Variants in ALPK2 observed in about 807,000 individuals in gnomAD.
ALPK2 encodes alpha-protein kinase 2.
ALPK2 carries 127 observed loss-of-function variants against 163.1 expected under a neutral mutation model. The ratio of observed to expected loss-of-function variants is 0.78; its 90% CI spans 0.67 to 0.90. ALPK2 has a LOEUF of 0.90. Ranked by LOEUF, ALPK2 falls within the 40% of genes least tolerant of loss-of-function variation. ALPK2 has a pLI of 0.00. For missense variants in ALPK2, 2,360 were observed against 2,589.6 expected, an observed-to-expected ratio of 0.91 and a Z score of 1.92; for synonymous variants, 953 against 959.1, an observed-to-expected ratio of 0.99 and a Z score of 0.12.
rs534206367 is a variant in ALPK2 at position 58,493,720 on chromosome 18, T to C, written c.6296+4329A>G. ...CAGGGTCTCGGGAATTTGGCTTCCA[T>C]GTCAGGGACGCTTGACACAAGCCAC... is the stretch of plus-strand genomic sequence containing the variant. On this transcript the variant is annotated intron_variant, in intron 12 of 12. Transcript: ENST00000361673. Among the ~76,000 whole-genome samples, 102 of 152,292 alleles carry C rather than the reference T, an allele frequency of 6.7e-4. 1 individual carries two copies. Among genetic ancestry groups the C allele is most frequent in the African/African-American group, 2.3e-3 (94 of 41,566 alleles).
At chr18:58,502,687 G>A (rs1490507461) in intron 11 of ALPK2, among the ~76,000 whole-genome samples, 1 of 152,244 alleles carries the variant, frequency 6.6e-6, no homozygotes, top group African/African-American at 2.4e-5. Flanking sequence ...TGCAGCAGAA[G>A]CTGCTGGTGC....
intron 12 of ALPK2, among the ~76,000 whole-genome samples, chr18:58,494,072 G>A (rs1810780026): frequency 1.3e-5 from 2 of 152,168 alleles, no homozygotes; most frequent in African/African-American, 2.4e-5. Context: ...TCCACTGCAC[G>A]CATGGCTTTA....
At chr18:58,521,635 T>TTTTTTTTTTTTTTC (rs2051553808) in intron 8 of ALPK2, among the ~76,000 whole-genome samples, 1 of 120,542 alleles carries the variant, frequency 8.3e-6, no homozygotes, top group Non-Finnish European at 1.8e-5. Context: ...CTCTTTTTTT[T>TTTTTTTTTTTTTTC]TTTTTTTTTT....
At chr18:58,570,843 A>T (rs921607943) in intron 4 of ALPK2, among the ~76,000 whole-genome samples, 7 of 152,114 alleles carry the variant, frequency 4.6e-5, no homozygotes, top group African/African-American at 1.7e-4. Context: ...TTCAACCTTT[A>T]GTTCAGCTGG....
intron 3 of ALPK2, among the ~76,000 whole-genome samples, chr18:58,585,774 C>A (rs1480510057): frequency 2.0e-5 from 3 of 151,474 alleles, no homozygotes. Flanking sequence ...ACCTCCACCT[C>A]CAGGGTTCAA....
intron 12 of ALPK2, among the ~76,000 whole-genome samples, chr18:58,490,901 C>G (rs143323563): frequency 6.6e-6 from 1 of 152,130 alleles, no homozygotes; most frequent in Non-Finnish European, 1.5e-5. Context: ...TTTTTGAGGT[C>G]GCATGAGTCC....
Position 58,481,924 on chromosome 18 carries a change from G to T in ALPK2, c.6412C>A (p.Gln2138Lys). Reference protein sequence around the residue: ...LGLKSLQNNNQKQKQPSIGKS... With the variant: ...LGLKSLQNNNKKQKQPSIGKS... ...CCAATGCTCGGCTGCTTCTGTTTCT[G>T]GTTGTTGTTTTGAAGGGATTTCAGT... Residue 2138 changes from glutamine (Q) to lysine (K), a missense_variant, in exon 13 of 13, where the codon CAG becomes AAG. Gln to Lys is a moderately conservative substitution (Grantham distance 53, BLOSUM62 1). Transcript: ENST00000361673. 6.2e-7 allele frequency: 1 copy of T among 1,614,096 alleles called. No individual in the cohort carries two copies. The highest frequency in any genetic ancestry group is 8.5e-7 in the Non-Finnish European group (1 of 1,180,024).
intron 1 of ALPK2, among the ~76,000 whole-genome samples, chr18:58,617,955 TA>T (rs1335823571): frequency 3.0e-4 from 45 of 152,342 alleles, no homozygotes; most frequent in African/African-American, 1.1e-3. Flanking sequence ...GACATCCTAG[TA>T]CATGCTTCCT....
intron 6 of ALPK2, among the ~76,000 whole-genome samples, chr18:58,527,456 A>G (rs999686623): frequency 6.6e-6 from 1 of 152,242 alleles, no homozygotes; most frequent in Non-Finnish European, 1.5e-5. Context: ...GCCACGCGTC[A>G]TCAGTAAGTA....
chr18:58,487,637 A>T (rs2051346466), intron 12 of ALPK2, among the ~76,000 whole-genome samples: 1 of 152,152 alleles, frequency 6.6e-6, no homozygotes, highest in African/African-American at 2.4e-5. Context: ...CTTAACCTCT[A>T]ATTAGTATAA....
chr18:58,545,078 C>T (rs1297709487), intron 4 of ALPK2: 2 of 152,198 alleles, frequency 1.3e-5, no homozygotes, highest in African/African-American at 2.4e-5. Context: ...CTCTCATCTT[C>T]CAGTCCTGGG....
At chr18:58,492,039 C>T (rs1602183577) in intron 12 of ALPK2, among the ~76,000 whole-genome samples, 1 of 152,216 alleles carries the variant, frequency 6.6e-6, no homozygotes, top group Non-Finnish European at 1.5e-5. Flanking sequence ...AACTCTGAAT[C>T]CTCACGAGGG....
chr18:58,503,457 C>T (rs1026891533), intron 11 of ALPK2, among the ~76,000 whole-genome samples: 1 of 152,088 alleles, frequency 6.6e-6, no homozygotes, highest in Admixed American at 6.5e-5. Flanking sequence ...TTTTGGAGGC[C>T]AGTGTGGGAG....
chr18:58,500,121 AT>A (rs1324028062), intron 11 of ALPK2, among the ~76,000 whole-genome samples: 2 of 152,140 alleles, frequency 1.3e-5, no homozygotes, highest in African/African-American at 4.8e-5. Flanking sequence ...ACCAGTGACC[AT>A]TTTAAAAGTC....
chr18:58,627,286 G>A (rs1278162924), intron 1 of ALPK2, among the ~76,000 whole-genome samples: 2 of 152,148 alleles, frequency 1.3e-5, no homozygotes, highest in Non-Finnish European at 2.9e-5. Flanking sequence ...CTACCTAAAA[G>A]CTTCCCAAAA....
chr18:58,545,781 C>T (rs759505827), intron 4 of ALPK2, among the ~76,000 whole-genome samples: 22 of 152,100 alleles, frequency 1.4e-4, no homozygotes, highest in Non-Finnish European at 2.8e-4. Context: ...TGTCCTTCAA[C>T]AGTTGTCTAC....
At chr18:58,611,289 AAAAAG>A (rs1278350678) in intron 2 of ALPK2, among the ~76,000 whole-genome samples, 3 of 79,322 alleles carry the variant, frequency 3.8e-5, no homozygotes, top group Non-Finnish European at 2.3e-5. Context: ...AAAAAAAAAA[AAAAAG>A]TCAATTAAAG....
At chr18:58,572,953 A>C (rs2144189628) in intron 4 of ALPK2, among the ~76,000 whole-genome samples, 1 of 152,300 alleles carries the variant, frequency 6.6e-6, no homozygotes, top group East Asian at 1.9e-4. Context: ...GTAAAATGTC[A>C]CCATTGAGGG....
intron 4 of ALPK2, among the ~76,000 whole-genome samples, chr18:58,556,023 T>C (rs1263205273): frequency 2.0e-5 from 3 of 152,166 alleles, no homozygotes; most frequent in Non-Finnish European, 4.4e-5. Flanking sequence ...GGTTTCACCA[T>C]GTTAGCCAGG....
Sources: gnomAD v4.1 joint callset for allele counts (sites outside exome capture counted in the v4.1 genomes callset) on GRCh38, gnomAD v4.1.1 for gene constraint, MANE v1.5 for transcripts, NCBI Gene and HGNC (gene_info 2026-07-23, HGNC 2026-07-21) for gene names.